Variants in MED28 observed in about 807,000 individuals in gnomAD.
MED28 encodes the protein mediator complex subunit 28, also known as mediator of RNA polymerase II transcription subunit 28.
Under a neutral mutation model 21.3 loss-of-function variants are expected in MED28, and 26 were observed. The observed-to-expected ratio is 1.22, with a 90% CI of 0.89 to 1.69. The LOEUF is 1.69. MED28 is among the 40% of genes most tolerant of loss of function. MED28 has a pLI of 0.00. For synonymous variants in MED28, 110 were observed against 87.6 expected (o/e 1.26, Z -1.43); for missense variants, 257 against 215.4 (o/e 1.19, Z -1.21).
At chr4:17,616,018 T>A (rs1408826472) in intron 1 of MED28, among the ~76,000 whole-genome samples, 1 of 151,954 alleles carries the variant, frequency 6.6e-6, no homozygotes, top group African/African-American at 2.4e-5. Flanking sequence ...TGGAGTACAG[T>A]GGCGCAATTT....
rs1314380501 is a variant in MED28, at chr4:17,624,641, G to A, written c.*843G>A. The stretch of plus-strand genomic sequence containing the variant: ...ATTGTCTCTTTCTGTTTTGAGTTTT[G>A]TTTGCGTGTATCATTTTTGTTCTAC... On this transcript the variant is annotated 3_prime_UTR_variant, in exon 4 of 4. Transcript: ENST00000237380. 4 of 151,350 alleles carry A rather than the reference G, an allele frequency of 2.6e-5. No individual in the cohort carries two copies. Among genetic ancestry groups the A allele is most frequent in the Admixed American group, 2.6e-4 (4 of 15,144 alleles). 9.4% of individuals were successfully genotyped at this position (151,350 alleles called of 1,614,324 possible).
At chr4:17,623,268 G>A (rs28449955) in intron 3 of MED28, among the ~76,000 whole-genome samples, 80,961 of 151,088 alleles carry the variant, frequency 0.54, 23,804 homozygotes, top group East Asian at 0.88. Context: ...GGGTGTGGTG[G>A]CGTGTGCCTG....
At chr4:17,620,032 A>G (rs776008052) in intron 2 of MED28, 65 bp downstream of exon 2, 395 of 1,395,374 alleles carry the variant, frequency 2.8e-4, no homozygotes, top group Non-Finnish European at 3.8e-4. Context: ...TGCTAATTTT[A>G]TACTTCATGT....
Position 17,621,568 on chromosome 4 carries a change from T to C in MED28, c.227-19T>C. 2 of 1,474,182 alleles carry C rather than the reference T, an allele frequency of 1.4e-6. No homozygotes were observed. Among genetic ancestry groups the C allele is most frequent in the Non-Finnish European group, 1.8e-6 (2 of 1,087,324 alleles). The allele number at this position is 1,474,182 out of a possible 1,614,324, so 91.3% of individuals were successfully genotyped here. A position where few individuals can be genotyped will look rare whatever the true frequency, so the allele number is the denominator to read the frequency against. On this transcript the variant is annotated intron_variant, in intron 2 of 3. Coordinates refer to ENST00000237380, the MANE Select transcript of MED28 (RefSeq NM_025205.5). ...TGTTGTTTTTCTTATTTTAATAATT[T>C]TGTTCCTTTTTTTTTAAGGTGTTGA...
In MED28 at chr4:17,625,105, A is replaced by G. The variant is rs987936801; in HGVS notation, c.*1307A>G. The stretch of plus-strand genomic sequence containing the variant: ...TGATCCCTGAAGCCTCCCAGCACCC[A>G]TTCAGTTGCATCCCCAGGGCACAGG... On this transcript the variant is annotated 3_prime_UTR_variant, in exon 4 of 4. Coordinates refer to ENST00000237380, the MANE Select transcript of MED28 (RefSeq NM_025205.5). The G allele has an allele frequency of 1.3e-5, 2 of 152,316 alleles. No homozygotes were observed. Among genetic ancestry groups the G allele is most frequent in the African/African-American group, 2.4e-5 (1 of 41,392 alleles). The allele number at this position is 152,316 out of a possible 1,614,324, so 9.4% of individuals were successfully genotyped here.
chr4:17,625,713 C>T lies in MED28; in HGVS notation c.*1915C>T, dbSNP rs900576445. On this transcript the variant is annotated 3_prime_UTR_variant, in exon 4 of 4. Coordinates refer to ENST00000237380, the MANE Select transcript of MED28 (RefSeq NM_025205.5). ...AAACCCTCTGAGCTGCTAACTTTTTCAGGGAGAAAATCACAAGCCATCTTC... is the reference window on the plus strand; with the variant it reads ...AAACCCTCTGAGCTGCTAACTTTTTTAGGGAGAAAATCACAAGCCATCTTC... 9.1e-6 allele frequency: 4 copies of T among 440,172 alleles called. No homozygotes were observed. Among genetic ancestry groups the T allele is most frequent in the African/African-American group, 6.1e-5 (3 of 49,486 alleles). The allele number at this position is 440,172 out of a possible 1,614,324, so 27.3% of individuals were successfully genotyped here.
In MED28 at chr4:17,628,316, A is replaced by G. The variant is rs6846238; in HGVS notation, c.*4518A>G. 86,835 of 149,092 alleles carry G rather than the reference A, an allele frequency of 0.58. 26,148 individuals are homozygous for G. The highest frequency in any genetic ancestry group is 0.88 in the East Asian group (4,477 of 5,088). The allele number at this position is 149,092 out of a possible 1,614,324, so 9.2% of individuals were successfully genotyped here. Reference sequence around the variant, plus strand: ...TATGTGTATATGCGTATATATGTGTATGTATGTGTGTATATATATATGTGT... The same window carrying G: ...TATGTGTATATGCGTATATATGTGTGTGTATGTGTGTATATATATATGTGT... On this transcript the variant is annotated 3_prime_UTR_variant, in exon 4 of 4. Coordinates refer to ENST00000237380, the MANE Select transcript of MED28 (RefSeq NM_025205.5).
intron 1 of MED28, among the ~76,000 whole-genome samples, chr4:17,616,191 G>A (rs1714446645): frequency 6.6e-6 from 1 of 152,112 alleles, no homozygotes; most frequent in Non-Finnish European, 1.5e-5. Context: ...TCCTGACCTC[G>A]TGATCCACCC....
chr4:17,619,066 T>A (rs1397662295), intron 1 of MED28, among the ~76,000 whole-genome samples: 1 of 152,232 alleles, frequency 6.6e-6, no homozygotes, highest in Non-Finnish European at 1.5e-5. Flanking sequence ...AGGCTTCTTT[T>A]CTAACTCCTT....
rs1560158532 is a variant in MED28 at position 17,623,640 on chromosome 4, G to A, written c.379G>A (p.Ala127Thr). ...ELRNELQRKD[A>T]LVQKHLTKLR... is the part of the protein sequence containing the mutation. ...AAGGAATGAATTACAGCGGAAAGATGCACTAGTCCAGAAGCACTTGACAAA... is the reference window on the plus strand; with the variant it reads ...AAGGAATGAATTACAGCGGAAAGATACACTAGTCCAGAAGCACTTGACAAA... The change falls in exon 4 of 4, where the codon GCA becomes ACA. Residue 127 changes from alanine to threonine, a missense_variant. Transcript: ENST00000237380. 6.2e-7 allele frequency: 1 copy of A among 1,614,208 alleles called. No individual in the cohort carries two copies.
chr4:17,619,778 CAT>C (rs1430242538), intron 1 of MED28, 121 bp from the exon 2 acceptor site: 1 of 768,558 alleles, frequency 1.3e-6, no homozygotes, highest in East Asian at 2.7e-5. Flanking sequence ...CTTGCCATCT[CAT>C]ATGCAAACAC....
Position 17,628,286 on chromosome 4 carries a change from G to GTGTGTGTGTA in MED28, c.*4493_*4494insGTGTATGTGT, listed in dbSNP as rs762304290. On this transcript the variant is annotated 3_prime_UTR_variant, in exon 4 of 4. Coordinates refer to ENST00000237380, the MANE Select transcript of MED28 (RefSeq NM_025205.5). Reference sequence around the variant, plus strand: ...TGTGTGTGTGTGTGTGTGTGTGTGTGTGTGTATGTGTATATGCGTATATAT... The same window carrying GTGTGTGTGTA: ...TGTGTGTGTGTGTGTGTGTGTGTGTGTGTGTGTGTATGTGTATGTGTATATGCGTATATAT... 6.6e-6 allele frequency: 1 copy of GTGTGTGTGTA among 151,314 alleles called. No homozygotes were observed. Among genetic ancestry groups the GTGTGTGTGTA allele is most frequent in the Admixed American group, 6.6e-5 (1 of 15,186 alleles). The allele number at this position is 151,314 out of a possible 1,614,324, so 9.4% of individuals were successfully genotyped here.
At position 17,624,786 on chromosome 4, in the gene MED28, G is replaced by C. The variant is rs1199874887; in HGVS notation, c.*988G>C. The C allele has an allele frequency of 1.3e-5, 2 of 152,094 alleles. No individual in the cohort carries two copies. The highest frequency in any genetic ancestry group is 2.9e-5 in the Non-Finnish European group (2 of 68,044). 9.4% of individuals were successfully genotyped at this position (152,094 alleles called of 1,614,324 possible). A position where few individuals can be genotyped will look rare whatever the true frequency, so the allele number is the denominator to read the frequency against. On this transcript the variant is annotated 3_prime_UTR_variant, in exon 4 of 4. Coordinates refer to ENST00000237380, the MANE Select transcript of MED28 (RefSeq NM_025205.5). ...CTGCAGGGTGATCATTGGCTACTGA[G>C]CCTCCACAGAGAGCATGTGGTGCCC...
Position 17,632,571 on chromosome 4 carries a change from A to C in MED28, c.*8773A>C, listed in dbSNP as rs1442406846. 1 of 1,551,392 alleles carries C rather than the reference A, an allele frequency of 6.4e-7. No homozygotes were observed. The highest frequency in any genetic ancestry group is 8.7e-7 in the Non-Finnish European group (1 of 1,146,852). ...ACTTGGTGAACCATTCCTGGTGCGGAGAGCCCTGTTTCTGCTGGACTTCTT... is the reference window on the plus strand; with the variant it reads ...ACTTGGTGAACCATTCCTGGTGCGGCGAGCCCTGTTTCTGCTGGACTTCTT... On this transcript the variant is annotated 3_prime_UTR_variant, in exon 4 of 4. Transcript: ENST00000237380.
intron 1 of MED28, among the ~76,000 whole-genome samples, chr4:17,619,031 A>G (rs1714540176): frequency 6.6e-6 from 1 of 152,202 alleles, no homozygotes; most frequent in African/African-American, 2.4e-5. Flanking sequence ...CTGATTGCTG[A>G]CAGAGCTCCA....
At chr4:17,615,176 A>G (rs1227945788) in intron 1 of MED28, among the ~76,000 whole-genome samples, 1 of 152,222 alleles carries the variant, frequency 6.6e-6, no homozygotes, top group Non-Finnish European at 1.5e-5. Context: ...TCACTGCTGT[A>G]TCCTGTATCC....
intron 1 of MED28, among the ~76,000 whole-genome samples, chr4:17,618,458 A>G (rs1321851266): frequency 6.6e-6 from 1 of 152,088 alleles, no homozygotes. Context: ...GATGTTTTCC[A>G]GTAGCCATAG....
Position 17,633,803 on chromosome 4 carries a change from A to C in MED28, c.*10005A>C, listed in dbSNP as rs139341568. 9 of 1,551,662 alleles carry C rather than the reference A, an allele frequency of 5.8e-6. No individual in the cohort carries two copies. The highest frequency in any genetic ancestry group is 7.8e-6 in the Non-Finnish European group (9 of 1,146,980). On this transcript the variant is annotated 3_prime_UTR_variant, in exon 4 of 4. Coordinates refer to ENST00000237380, the MANE Select transcript of MED28 (RefSeq NM_025205.5). ...TGGAGGGGCATTAATCCTGGAACTC[A>C]GATCGCCACTCAGAAAGTTCTTTGC...
chr4:17,619,100 T>C (rs1044619344), intron 1 of MED28, among the ~76,000 whole-genome samples: 1 of 152,218 alleles, frequency 6.6e-6, no homozygotes, highest in Admixed American at 6.5e-5. Context: ...GCTGTTCTCT[T>C]TCTGTGCCTC....
Sources: gnomAD v4.1 joint callset for allele counts (sites outside exome capture counted in the v4.1 genomes callset) on GRCh38, gnomAD v4.1.1 for gene constraint, MANE v1.5 for transcripts, NCBI Gene and HGNC (gene_info 2026-07-23, HGNC 2026-07-21) for gene names.